The following PHF8 variants were observed in gnomAD, a reference collection of about 807,000 sequenced individuals.
The protein encoded by PHF8 is PHD finger protein 8.
A neutral mutation model predicts 74.4 loss-of-function variants in PHF8; 9 were observed. The observed-to-expected ratio is 0.12, with a 90% CI of 0.07 to 0.21. The LOEUF is 0.21. Among genes scored for constraint, PHF8 ranks in the 10% least tolerant of loss-of-function variants. The pLI is 1.00. For missense variants in PHF8, 478 were observed against 816.6 expected (o/e 0.59, Z 5.05); for synonymous variants, 311 against 316.6 (o/e 0.98, Z 0.19).
intron 2 of PHF8, among the ~76,000 whole-genome samples, chrX:54,025,109 C>T (rs1603340401): frequency 9.0e-6 from 1 of 111,013 alleles, no homozygotes; most frequent in East Asian, 2.8e-4. Flanking sequence ...ATCTCCTGAC[C>T]TCGTGATCCG....
At chrX:53,953,287 C>A (rs1312228583) in intron 19 of PHF8, among the ~76,000 whole-genome samples, 24 of 95,859 alleles carry the variant, frequency 2.5e-4, no homozygotes, top group African/African-American at 5.7e-4. Flanking sequence ...AAAAAAAAAA[C>A]AAAACAACAA....
At chrX:53,971,370 C>T (rs2065287892) in intron 18 of PHF8, among the ~76,000 whole-genome samples, 1 of 110,934 alleles carries the variant, frequency 9.0e-6, no homozygotes, top group Non-Finnish European at 1.9e-5. Flanking sequence ...ACTAAATGCC[C>T]ACATCAAGAA....
chrX:53,961,132 C>T (rs974314727), intron 19 of PHF8, among the ~76,000 whole-genome samples: 9 of 108,267 alleles, frequency 8.3e-5, no homozygotes, highest in Non-Finnish European at 1.5e-4. Flanking sequence ...AAGCAATTCT[C>T]GTGCCTCAGC....
intron 19 of PHF8, chrX:53,944,525 T>C (rs1414096349): frequency 1.0e-5 from 3 of 300,666 alleles, no homozygotes; most frequent in African/African-American, 5.3e-5. Flanking sequence ...CCCATTGCTC[T>C]GGGAGGGTGA....
In PHF8 at chrX:53,938,878, G is replaced by A; in HGVS notation, c.*280C>T. On this transcript the variant is annotated 3_prime_UTR_variant, in exon 22 of 22. Transcript: ENST00000338154. The stretch of plus-strand genomic sequence containing the variant: ...AAAGAACAGACAAGGCAGGTGACGG[G>A]AGTGGTTTGGACGAGTAGAAAAGAG... The A allele has an allele frequency of 1.1e-6, 1 of 908,975 alleles. No individual in the cohort carries two copies. The highest frequency in any genetic ancestry group is 2.0e-5 in the African/African-American group (1 of 49,426). 74.9% of individuals were successfully genotyped at this position (908,975 alleles called of 1,213,427 possible). A position where few individuals can be genotyped will look rare whatever the true frequency, so the allele number is the denominator to read the frequency against.
chrX:53,942,643 A>C, intron 20 of PHF8: 3 of 710,835 alleles, frequency 4.2e-6, no homozygotes, highest in Non-Finnish European at 5.0e-6. Context: ...AATAAGAAAC[A>C]CCAAAACATA....
chrX:53,947,089 G>A (rs2064843233), intron 19 of PHF8, among the ~76,000 whole-genome samples: 2 of 111,480 alleles, frequency 1.8e-5, no homozygotes, highest in Admixed American at 1.9e-4. Context: ...TCGGCTCACT[G>A]CAACCTCCAC....
intron 2 of PHF8, among the ~76,000 whole-genome samples, chrX:54,037,256 C>T (rs1369776038): frequency 1.8e-5 from 2 of 111,314 alleles, no homozygotes; most frequent in Admixed American, 9.5e-5. Context: ...TGTTTGTTTT[C>T]GGTTTTTTTG....
In PHF8 at chrX:53,939,198, C is replaced by T. The variant is rs1557082682; in HGVS notation, c.3035G>A (p.Arg1012His). 2.5e-6 allele frequency: 3 copies of T among 1,207,730 alleles called. No homozygotes were observed. Among genetic ancestry groups the T allele is most frequent in the South Asian group, 3.5e-5 (2 of 56,574 alleles). The change falls in exon 22 of 22, where the codon CGT (arginine) becomes CAT (histidine). Residue 1012 changes from arginine (R) to histidine (H), a missense_variant. Transcript: ENST00000338154. Reference protein sequence around the residue: ...GLATAKQRLGRILKIHRNGKL... With the variant: ...GLATAKQRLGHILKIHRNGKL... ...GCCATTTCTGTGGATTTTCAGGATA[C>T]GGCCGAGTCTCTGCTTTGCTGTGGC...
At chrX:53,979,798 G>A (rs1392024301) in intron 18 of PHF8, among the ~76,000 whole-genome samples, 1 of 111,523 alleles carries the variant, frequency 9.0e-6, no homozygotes, top group Non-Finnish European at 1.9e-5. Context: ...AAGCTAGCCT[G>A]GACAACATGG....
chrX:54,027,984 CCACACACACACA>C (rs782177087), intron 2 of PHF8, among the ~76,000 whole-genome samples: 5 of 96,512 alleles, frequency 5.2e-5, no homozygotes, highest in South Asian at 5.0e-4. Flanking sequence ...ACTATACACA[CCACACACACACA>C]CACACACACA....
chrX:54,006,247 C>T (rs2065896231), intron 8 of PHF8, among the ~76,000 whole-genome samples: 1 of 111,449 alleles, frequency 9.0e-6, no homozygotes, highest in South Asian at 3.8e-4. Context: ...TTTAGGAAGC[C>T]GAGGTGGGTG....
At chrX:54,027,984 C>A (rs1603341377) in intron 2 of PHF8, among the ~76,000 whole-genome samples, 1 of 96,513 alleles carries the variant, frequency 1.0e-5, no homozygotes, top group Non-Finnish European at 2.1e-5. Context: ...ACTATACACA[C>A]CACACACACA....
At chrX:53,979,055 G>C (rs1363597565) in intron 18 of PHF8, among the ~76,000 whole-genome samples, 1 of 110,985 alleles carries the variant, frequency 9.0e-6, no homozygotes, top group Non-Finnish European at 1.9e-5. Context: ...TGTATACCAA[G>C]AGAGTCAATT....
At chrX:53,960,807 T>TA (rs1224094865) in intron 19 of PHF8, among the ~76,000 whole-genome samples, 1 of 108,599 alleles carries the variant, frequency 9.2e-6, no homozygotes, top group African/African-American at 3.3e-5. Context: ...CAATAAAAAT[T>TA]AAAAAATGTA....
At chrX:53,968,660 G>A (rs919039969) in intron 18 of PHF8, among the ~76,000 whole-genome samples, 2 of 112,483 alleles carry the variant, frequency 1.8e-5, no homozygotes, top group African/African-American at 6.5e-5. Flanking sequence ...TGTAATCCCA[G>A]CACTTTGGAA....
At chrX:54,020,840 G>A (rs1002347717) in intron 4 of PHF8, among the ~76,000 whole-genome samples, 24 of 111,958 alleles carry the variant, frequency 2.1e-4, no homozygotes, top group Admixed American at 9.5e-5. Flanking sequence ...TACCATGTTA[G>A]TGGGAATGTA....
chrX:53,975,829 A>G (rs190323339), intron 18 of PHF8, among the ~76,000 whole-genome samples: 59 of 111,667 alleles, frequency 5.3e-4, no homozygotes, highest in Non-Finnish European at 9.4e-4. Context: ...TACAGTTAAT[A>G]ATTTACTGCA....
intron 2 of PHF8, among the ~76,000 whole-genome samples, chrX:54,023,413 A>G (rs1429196866): frequency 9.0e-6 from 1 of 111,633 alleles, no homozygotes; most frequent in Non-Finnish European, 1.9e-5. Flanking sequence ...AATTTCCTAC[A>G]ATAAACATCT....
Sources: allele counts gnomAD v4.1 joint callset (sites outside exome capture counted in the v4.1 genomes callset), GRCh38; gene constraint gnomAD v4.1.1; transcripts MANE v1.5; gene names NCBI Gene and HGNC (gene_info 2026-07-23, HGNC 2026-07-21).